Variants in C11orf65 observed in about 807,000 individuals in gnomAD.
C11orf65 encodes the protein protein MFI.
Under a neutral mutation model 35.3 loss-of-function variants are expected in C11orf65, and 38 were observed. That is an observed-to-expected ratio of 1.08 (90% CI 0.83 to 1.41). The LOEUF is 1.41. Ranked by LOEUF, C11orf65 falls within the 40% of genes most tolerant of loss-of-function variation. The pLI is 0.00. For synonymous variants in C11orf65, 105 were observed against 114.4 expected (o/e 0.92, Z 0.53); for missense variants, 370 against 367.1 (o/e 1.01, Z -0.06).
chr11:108,359,766 G>C (rs370161537), intron 2 of C11orf65, among the ~76,000 whole-genome samples: 1 of 151,820 alleles, frequency 6.6e-6, no homozygotes, highest in East Asian at 1.9e-4. Context: ...AAGACACAAC[G>C]TACCAGAATC....
chr11:108,341,326 C>A (rs1423078372), intron 2 of C11orf65, among the ~76,000 whole-genome samples: 1 of 152,108 alleles, frequency 6.6e-6, no homozygotes, highest in Non-Finnish European at 1.5e-5. Context: ...AGGCCTCCGA[C>A]CATGTTGCCA....
intron 3 of C11orf65, among the ~76,000 whole-genome samples, chr11:108,413,997 GC>G (rs1208196818): frequency 6.6e-6 from 1 of 151,984 alleles, no homozygotes; most frequent in Non-Finnish European, 1.5e-5. Flanking sequence ...CTAATGTTCT[GC>G]CTTGAGGGAC....
At chr11:108,451,579 C>T (rs2093347971) in intron 2 of C11orf65, among the ~76,000 whole-genome samples, 1 of 151,850 alleles carries the variant, frequency 6.6e-6, no homozygotes, top group African/African-American at 2.4e-5. Flanking sequence ...GGCCACACTG[C>T]CCAAGGTAAT....
chr11:108,411,431 T>C lies in C11orf65; in HGVS notation c.175-4282A>G, dbSNP rs544140868. Among the ~76,000 whole-genome samples, 3 of 152,342 alleles carry C rather than the reference T, an allele frequency of 2.0e-5. No individual in the cohort carries two copies. In the South Asian group the frequency reaches 6.2e-4, roughly 32 times the overall value. On this transcript the variant is annotated intron_variant, in intron 3 of 8. Coordinates refer to ENST00000393084, the MANE Select transcript of C11orf65 (RefSeq NM_152587.5). ...ATTTTCTGTGCACTTAAAAATAACA[T>C]TACTTTTGCAAAACTGTAGACATTT...
At chr11:108,312,994 T>C (rs1178943202) in intron 6 of C11orf65, among the ~76,000 whole-genome samples, 1 of 152,190 alleles carries the variant, frequency 6.6e-6, no homozygotes, top group Non-Finnish European at 1.5e-5. Flanking sequence ...TGCTTAAACC[T>C]CTCATCTTCT....
At chr11:108,403,956 G>A (rs1383650971) in intron 6 of C11orf65, among the ~76,000 whole-genome samples, 4 of 152,150 alleles carry the variant, frequency 2.6e-5, no homozygotes, top group Non-Finnish European at 5.9e-5. Flanking sequence ...ATTCTTCTCT[G>A]TTGAGATTGT....
chr11:108,325,249 G>GTTT (rs11366542), intron 6 of C11orf65: 160 of 566,028 alleles, frequency 2.8e-4, no homozygotes, highest in African/African-American at 1.6e-3. Flanking sequence ...AACTTACATA[G>GTTT]TTTTTTTTTT....
intron 3 of C11orf65, among the ~76,000 whole-genome samples, 164 bp downstream of exon 3, chr11:108,431,582 T>C (rs1374663658): frequency 6.6e-6 from 1 of 152,236 alleles, no homozygotes; most frequent in African/African-American, 2.4e-5. Context: ...TGCTTTGTGA[T>C]GATTCATTGA....
chr11:108,362,710 A>G (rs1486920059), intron 2 of C11orf65, among the ~76,000 whole-genome samples: 39 of 146,880 alleles, frequency 2.7e-4, no homozygotes, highest in African/African-American at 9.3e-4. Flanking sequence ...CAAAAAACCA[A>G]ACACCGCATA....
exon 7 of C11orf65, chr11:108,308,789 T>G (rs1288740896): frequency 1.9e-6 from 1 of 527,530 alleles, no homozygotes; most frequent in African/African-American, 1.9e-5. Context: ...TAAACCATTC[T>G]TCTTCTCTAG....
At chr11:108,342,674 T>C (rs780040899) in intron 2 of C11orf65, among the ~76,000 whole-genome samples, 3 of 152,196 alleles carry the variant, frequency 2.0e-5, no homozygotes, top group Non-Finnish European at 4.4e-5. Context: ...TTCTATACTT[T>C]ATGTATGTTT....
intron 2 of C11orf65, among the ~76,000 whole-genome samples, chr11:108,339,624 T>G (rs1378425731): frequency 6.6e-6 from 1 of 152,130 alleles, no homozygotes; most frequent in Non-Finnish European, 1.5e-5. Flanking sequence ...GAAATTCAAA[T>G]TCAGCTCTTT....
intron 2 of C11orf65, among the ~76,000 whole-genome samples, chr11:108,347,958 G>T (rs910222244): frequency 6.6e-6 from 1 of 152,294 alleles, no homozygotes; most frequent in African/African-American, 2.4e-5. Context: ...AAATGATGAA[G>T]ATTTATACTA....
intron 3 of C11orf65, 111 bp from the exon 4 acceptor site, chr11:108,407,260 G>C: frequency 2.4e-6 from 2 of 837,254 alleles, no homozygotes; most frequent in Non-Finnish European, 3.5e-6. Context: ...GACTATTTAG[G>C]AAATCAGTCA....
chr11:108,417,168 G>A (rs2092746949), intron 3 of C11orf65, among the ~76,000 whole-genome samples: 1 of 152,130 alleles, frequency 6.6e-6, no homozygotes, highest in African/African-American at 2.4e-5. Flanking sequence ...CCAAACATCA[G>A]TAATTACATT....
chr11:108,384,718 A>C (rs2091948986), intron 8 of C11orf65, among the ~76,000 whole-genome samples: 1 of 152,114 alleles, frequency 6.6e-6, no homozygotes, highest in Non-Finnish European at 1.5e-5. Context: ...GGCTGCAGGG[A>C]ACTGAGGTCC....
rs1408197823 is a variant in C11orf65, at chr11:108,382,799, T to C, written c.*222A>G. On this transcript the variant is annotated 3_prime_UTR_variant, in exon 9 of 9. Coordinates refer to ENST00000393084, the MANE Select transcript of C11orf65 (RefSeq NM_152587.5). ...CTTTACTTAAGTGTGACTGTTAGAA[T>C]ACTACAGTTTCTCAGAATACTAGGA... The C allele has an allele frequency of 1.0e-6, 1 of 984,034 alleles. No homozygotes were observed. The allele number at this position is 984,034 out of a possible 1,614,324, so 61.0% of individuals were successfully genotyped here. A position where few individuals can be genotyped will look rare whatever the true frequency, so the allele number is the denominator to read the frequency against.
At chr11:108,334,901 A>C in intron 3 of C11orf65, 1 of 1,520,430 alleles carries the variant, frequency 6.6e-7, no homozygotes, top group Non-Finnish European at 9.1e-7. Context: ...TGCCATTTAT[A>C]ATGTATTTTT....
In C11orf65 at chr11:108,365,146, A is replaced by G. The variant is rs763773991; in HGVS notation, c.226+28062T>C. On this transcript the variant is annotated intron_variant, in intron 2 of 3. Transcript: ENST00000524755. ...CCTTTGAAAGCTTTGTATTTACAGC[A>G]GAGGCCGGAAGATGAAACTGAGCTT... The G allele has an allele frequency of 9.3e-6, 15 of 1,614,224 alleles. No homozygotes were observed. The South Asian group carries it at 1.2e-4, about 13-fold the overall frequency.
Sources: gnomAD v4.1 joint callset for allele counts (sites outside exome capture counted in the v4.1 genomes callset) on GRCh38, gnomAD v4.1.1 for gene constraint, MANE v1.5 for transcripts, NCBI Gene and HGNC (gene_info 2026-07-23, HGNC 2026-07-21) for gene names.